HIVEP1: variants seen among roughly 807,000 people sequenced by gnomAD.
HIVEP1 encodes the protein HIVEP zinc finger 1.
A neutral mutation model predicts 180.0 loss-of-function variants in HIVEP1; 36 were observed. The ratio of observed to expected loss-of-function variants is 0.20; its 90% CI spans 0.15 to 0.26. The LOEUF (loss-of-function observed/expected upper bound fraction) is 0.26. Ranked by LOEUF, HIVEP1 falls within the 10% of genes least tolerant of loss-of-function variation. The probability of loss-of-function intolerance (pLI) is 1.00; values close to 1 mark genes in which losing one functional copy is unlikely to be tolerated. For missense variants in HIVEP1, 3,143 were observed against 3,268.7 expected (o/e 0.96, Z 0.94); for synonymous variants, 1,239 against 1,239.0 (o/e 1.00, Z 0.00).
At chr6:12,071,893 A>T (rs1001401060) in intron 2 of HIVEP1, among the ~76,000 whole-genome samples, 78 of 152,314 alleles carry the variant, frequency 5.1e-4, no homozygotes, top group African/African-American at 1.8e-3. Context: ...AAATGCTTTA[A>T]TTCATTGTTA....
At chr6:12,198,538 T>C in the HIVEP1 span, among the ~76,000 whole-genome samples, 1 of 152,196 alleles carries the variant, frequency 6.6e-6, no homozygotes. Flanking sequence ...CCTTCCCTCA[T>C]GCAGCTTACA....
chr6:12,078,605 TA>T (rs70981660), intron 2 of HIVEP1, among the ~76,000 whole-genome samples: 21,704 of 133,770 alleles, frequency 0.16, 2,094 homozygotes, highest in Non-Finnish European at 0.24. Context: ...GAGTCCTCCT[TA>T]AAAAAAAAAA....
chr6:12,090,734 C>CT (rs1561929824), intron 3 of HIVEP1, among the ~76,000 whole-genome samples: 8 of 103,104 alleles, frequency 7.8e-5, no homozygotes, highest in African/African-American at 2.4e-4. Flanking sequence ...CTATAGCCAG[C>CT]CTTTTTTTTT....
In HIVEP1 at chr6:12,025,767, C is replaced by T. The variant is rs182567616; in HGVS notation, c.40+10099C>T. Among the ~76,000 whole-genome samples the T allele has an allele frequency of 1.1e-4, 17 of 152,310 alleles. No homozygotes were observed. In the East Asian group the frequency reaches 1.9e-3, roughly 17 times the overall value. Reference sequence around the variant, plus strand: ...GCAAATAACCATCGTTGGCCAAGCTCGATGGCTCACGCCTGTAATCCCAGC... The same window carrying T: ...GCAAATAACCATCGTTGGCCAAGCTTGATGGCTCACGCCTGTAATCCCAGC... On this transcript the variant is annotated intron_variant, in intron 2 of 8. Coordinates refer to ENST00000379388, the MANE Select transcript of HIVEP1 (RefSeq NM_002114.4).
chr6:12,017,248 G>C (rs1209056326), intron 2 of HIVEP1, among the ~76,000 whole-genome samples: 1 of 152,128 alleles, frequency 6.6e-6, no homozygotes, highest in Non-Finnish European at 1.5e-5. Context: ...GTGGGTTCTT[G>C]GTCTCACTGA....
the HIVEP1 span, among the ~76,000 whole-genome samples, chr6:12,202,320 G>A: frequency 1.3e-5 from 2 of 151,694 alleles, no homozygotes; most frequent in East Asian, 1.9e-4. Flanking sequence ...TTTTCTTTTG[G>A]TAGAGATGGG....
chr6:12,080,672 T>C (rs894748843), intron 2 of HIVEP1, among the ~76,000 whole-genome samples: 3 of 152,182 alleles, frequency 2.0e-5, no homozygotes, highest in Non-Finnish European at 4.4e-5. Flanking sequence ...TCTTTGAACT[T>C]TTAAAAGTTT....
In HIVEP1 at chr6:12,120,116, G is replaced by A. The variant is rs1411961926; in HGVS notation, c.321G>A (p.Gln107=). ...ATATTCCTGTAAAAAATGGGAAGCA[G>A]TTTACCAAACAAAATGGAGAAACAC... is the stretch of plus-strand genomic sequence containing the variant. ...QNYIPVKNGK[Q]FTKQNGETPG... Residue 107 remains glutamine, a synonymous_variant, in exon 4 of 9, where the codon CAG becomes CAA. Coordinates refer to ENST00000379388, the MANE Select transcript of HIVEP1 (RefSeq NM_002114.4). 6.2e-7 allele frequency: 1 copy of A among 1,613,556 alleles called. No homozygotes were observed. The highest frequency in any genetic ancestry group is 1.3e-5 in the African/African-American group (1 of 74,858).
In HIVEP1 at chr6:12,125,349, A is replaced by G. The variant is rs768888336; in HGVS notation, c.5554A>G (p.Ile1852Val). ...CTCTAAATTTGTCGTTATAGAACCTATAAGTGAATTGCAGGAATTTGAAAA... is the reference window on the plus strand; with the variant it reads ...CTCTAAATTTGTCGTTATAGAACCTGTAAGTGAATTGCAGGAATTTGAAAA... The part of the protein sequence containing the change: ...GCSKFVVIEP[I>V]SELQEFENIK... The change falls in exon 4 of 9, where the codon ATA (isoleucine) becomes GTA (valine). Residue 1852 changes from isoleucine (I) to valine (V), a missense_variant. By Grantham distance (29) the Ile-to-Val change is conservative. This residue lies in a region of HIVEP1 where 1,357 missense variants were observed against 1,260.5 expected (regional missense o/e 1.08). Transcript: ENST00000379388. The G allele has an allele frequency of 1.5e-5, 25 of 1,614,096 alleles. No homozygotes were observed. In the African/African-American group the frequency reaches 1.6e-4, roughly 10 times the overall value.
intron 2 of HIVEP1, among the ~76,000 whole-genome samples, chr6:12,062,750 A>G (rs1178042290): frequency 6.6e-6 from 1 of 152,204 alleles, no homozygotes; most frequent in African/African-American, 2.4e-5. Context: ...AACTTGCTCA[A>G]TGTCATAAAG....
intron 3 of HIVEP1, among the ~76,000 whole-genome samples, chr6:12,107,987 G>A (rs1359457923): frequency 1.3e-5 from 2 of 152,148 alleles, no homozygotes; most frequent in Non-Finnish European, 2.9e-5. Flanking sequence ...CACCAGAGTA[G>A]CTAGATACAG....
At chr6:12,143,449 G>A (rs1411309778) in intron 7 of HIVEP1, among the ~76,000 whole-genome samples, 3 of 152,134 alleles carry the variant, frequency 2.0e-5, no homozygotes. Flanking sequence ...AGCAAAAGCT[G>A]GAAGCAGTCC....
At chr6:12,131,995 A>G (rs78267132) in intron 6 of HIVEP1, among the ~76,000 whole-genome samples, 1 of 152,162 alleles carries the variant, frequency 6.6e-6, no homozygotes, top group Non-Finnish European at 1.5e-5. Context: ...ACATGCTTCA[A>G]ATTAGTACTC....
At chr6:12,014,528 C>G (rs7748578) in intron 1 of HIVEP1, among the ~76,000 whole-genome samples, 21,814 of 152,234 alleles carry the variant, frequency 0.14, 1,596 homozygotes, top group Admixed American at 0.18. Context: ...AGCTTTAAGC[C>G]TTCCTTACTG....
downstream of HIVEP1, among the ~76,000 whole-genome samples, chr6:12,167,684 A>G (rs200019040): frequency 0.23 from 25,397 of 112,696 alleles, 3,305 homozygotes; most frequent in East Asian, 0.47. Flanking sequence ...ATATATGTGT[A>G]TAATATATAT....
chr6:12,021,234 A>C (rs186514566), intron 2 of HIVEP1, among the ~76,000 whole-genome samples: 13 of 152,300 alleles, frequency 8.5e-5, no homozygotes, highest in African/African-American at 3.1e-4. Context: ...TGATCAGATC[A>C]TGGCCTTGAT....
At chr6:12,144,485 C>G (rs901621377) in intron 7 of HIVEP1, among the ~76,000 whole-genome samples, 2 of 152,152 alleles carry the variant, frequency 1.3e-5, no homozygotes, top group Non-Finnish European at 2.9e-5. Flanking sequence ...GACTTCATGT[C>G]TAAAACACCA....
At chr6:12,115,347 A>ATTTTT (rs1775145972) in intron 3 of HIVEP1, among the ~76,000 whole-genome samples, 4 of 73,444 alleles carry the variant, frequency 5.4e-5, no homozygotes, top group Non-Finnish European at 7.5e-5. Context: ...TTCCCCAACT[A>ATTTTT]TTCTTTTTTT....
intron 3 of HIVEP1, among the ~76,000 whole-genome samples, chr6:12,093,028 G>C (rs1006189727): frequency 6.6e-6 from 1 of 152,112 alleles, no homozygotes; most frequent in African/African-American, 2.4e-5. Flanking sequence ...CCTGTGATTG[G>C]CTGAAAAGTA....
Sources: gnomAD v4.1 joint callset for allele counts (sites outside exome capture counted in the v4.1 genomes callset) on GRCh38, gnomAD v4.1.1 for gene constraint, gnomAD v4.1.1 regional missense constraint, MANE v1.5 for transcripts, NCBI Gene and HGNC (gene_info 2026-07-23, HGNC 2026-07-21) for gene names.